Variants in PCDH15 observed in about 807,000 individuals in gnomAD.
The protein encoded by PCDH15 is protocadherin-15.
A neutral mutation model predicts 178.5 loss-of-function variants in PCDH15; 129 were observed. The observed-to-expected ratio is 0.72, with a 90% CI of 0.63 to 0.84. The LOEUF is 0.84. Among genes scored for constraint, PCDH15 ranks in the 40% least tolerant of loss-of-function variants. PCDH15 has a pLI of 0.00. For missense variants in PCDH15, 2,230 were observed against 2,099.9 expected (o/e 1.06, Z -1.21); for synonymous variants, 800 against 732.0 (o/e 1.09, Z -1.50).
intron 28 of PCDH15, among the ~76,000 whole-genome samples, chr10:53,855,405 AT>A (rs2078657510): frequency 6.6e-6 from 1 of 152,058 alleles, no homozygotes; most frequent in Admixed American, 6.6e-5. Context: ...GGCTCAGTGT[AT>A]ATAAACTACT....
intron 25 of PCDH15, among the ~76,000 whole-genome samples, chr10:53,933,323 C>G (rs183500864): frequency 1.3e-4 from 20 of 151,760 alleles, no homozygotes; most frequent in East Asian, 1.9e-4. Flanking sequence ...ATCCCTCCCC[C>G]CTTCCCCCAC....
intron 1 of PCDH15, among the ~76,000 whole-genome samples, chr10:54,691,909 A>G (rs1232024543): frequency 6.6e-6 from 1 of 152,170 alleles, no homozygotes; most frequent in African/African-American, 2.4e-5. Context: ...TAGAAAGTTT[A>G]TGTTCCGCCA....
intron 3 of PCDH15, among the ~76,000 whole-genome samples, chr10:54,890,962 T>C (rs1296383699): frequency 6.6e-6 from 1 of 151,988 alleles, no homozygotes; most frequent in African/African-American, 2.4e-5. Flanking sequence ...AGATATTGCA[T>C]CACACTCAAA....
intron 1 of PCDH15, among the ~76,000 whole-genome samples, chr10:55,303,456 T>A (rs1285129327): frequency 6.6e-6 from 1 of 152,166 alleles, no homozygotes; most frequent in African/African-American, 2.4e-5. Context: ...AACAGTCCAA[T>A]TTCCCCTTGG....
chr10:55,448,079 C>T (rs1839356150), intron 2 of PCDH15, among the ~76,000 whole-genome samples: 1 of 151,892 alleles, frequency 6.6e-6, no homozygotes, highest in Non-Finnish European at 1.5e-5. Context: ...ACATCTAAAT[C>T]TGGATACATA....
chr10:54,382,028 TATTTAGAATAATAAA>T (rs750722836), intron 3 of PCDH15, among the ~76,000 whole-genome samples: 2 of 152,178 alleles, frequency 1.3e-5, no homozygotes, highest in Non-Finnish European at 2.9e-5. Flanking sequence ...TGTTCTCTTG[TATTTAGAATAATAAA>T]AATCAAAACA....
In PCDH15 at chr10:53,823,693, T is replaced by A. The variant is rs41274626; in HGVS notation, c.4368-3463A>T. 1.0e-3 allele frequency: 488 copies of A among 466,516 alleles called. 3 individuals are homozygous for A. Among genetic ancestry groups the A allele is most frequent in the Non-Finnish European group, 1.4e-3 (344 of 237,720 alleles). The allele number at this position is 466,516 out of a possible 1,614,324, so 28.9% of individuals were successfully genotyped here. A position where few individuals can be genotyped will look rare whatever the true frequency, so the allele number is the denominator to read the frequency against. On this transcript the variant is annotated intron_variant, in intron 32 of 37. Transcript: ENST00000644397. ...ATGTCCACACGTAACAGTTCCCTTA[T>A]GCACAAATCACAGTTCTTCCCATTG... is the stretch of plus-strand genomic sequence containing the variant.
intron 7 of PCDH15, 72 bp downstream of exon 7, chr10:54,329,524 T>C (rs1472970635): frequency 1.8e-6 from 2 of 1,103,180 alleles, no homozygotes; most frequent in South Asian, 1.2e-5. Flanking sequence ...TCCAAGAGTA[T>C]CTGATACATT....
At chr10:54,190,025 T>G (rs1276767080) in intron 11 of PCDH15, among the ~76,000 whole-genome samples, 2 of 151,964 alleles carry the variant, frequency 1.3e-5, no homozygotes, top group African/African-American at 4.8e-5. Context: ...TTTCTTTTCC[T>G]TTCTTTTCAG....
At chr10:54,601,561 G>C (rs543660085) in intron 2 of PCDH15, among the ~76,000 whole-genome samples, 4 of 152,110 alleles carry the variant, frequency 2.6e-5, no homozygotes, top group South Asian at 2.1e-4. Context: ...CCTGGTTGTG[G>C]AGAAGAGGGC....
intron 2 of PCDH15, among the ~76,000 whole-genome samples, chr10:55,551,370 T>C (rs1367317960): frequency 6.6e-6 from 1 of 151,944 alleles, no homozygotes; most frequent in Non-Finnish European, 1.5e-5. Context: ...AGTTTACAAT[T>C]ACATGCATTC....
At chr10:54,370,393 G>A (rs907283271) in intron 4 of PCDH15, among the ~76,000 whole-genome samples, 13 of 151,596 alleles carry the variant, frequency 8.6e-5, no homozygotes, top group East Asian at 1.9e-4. Flanking sequence ...AATTTGGCTC[G>A]TTGTATATTT....
At chr10:55,175,141 A>G (rs1295612290) in intron 1 of PCDH15, among the ~76,000 whole-genome samples, 3 of 152,172 alleles carry the variant, frequency 2.0e-5, no homozygotes, top group Non-Finnish European at 4.4e-5. Flanking sequence ...CCCAAAGAAG[A>G]CACAGGAGAA....
chr10:54,748,161 A>G (rs1380194319), intron 1 of PCDH15, among the ~76,000 whole-genome samples: 1 of 152,186 alleles, frequency 6.6e-6, no homozygotes, highest in Non-Finnish European at 1.5e-5. Context: ...CCTTCACTCA[A>G]GACGATCTGC....
At chr10:55,072,411 G>C (rs1244091767) in intron 2 of PCDH15, among the ~76,000 whole-genome samples, 1 of 151,858 alleles carries the variant, frequency 6.6e-6, no homozygotes, top group Non-Finnish European at 1.5e-5. Flanking sequence ...AATGATAAAG[G>C]GGATATCACC....
At chr10:55,520,140 ATATATATATACACGCAATGTG>A (rs1841127983) in intron 2 of PCDH15, among the ~76,000 whole-genome samples, 1 of 118,238 alleles carries the variant, frequency 8.5e-6, no homozygotes, top group Non-Finnish European at 1.7e-5. Flanking sequence ...CGCAATGTGT[ATATATATATACACGCAATGTG>A]TATATATATA....
chr10:53,812,577 C>T (rs1211820407), intron 35 of PCDH15, among the ~76,000 whole-genome samples: 1 of 152,054 alleles, frequency 6.6e-6, no homozygotes, highest in Admixed American at 6.5e-5. Flanking sequence ...TTAATATTTC[C>T]AGTTCTAAAC....
At chr10:54,380,729 T>TATATATACAC (rs1554941858) in intron 3 of PCDH15, among the ~76,000 whole-genome samples, 21 of 115,058 alleles carry the variant, frequency 1.8e-4, no homozygotes, top group African/African-American at 7.4e-4. Flanking sequence ...TATATATATA[T>TATATATACAC]ATATATATAT....
chr10:55,251,563 G>C (rs1321002832), intron 1 of PCDH15, among the ~76,000 whole-genome samples: 2 of 151,936 alleles, frequency 1.3e-5, no homozygotes, highest in African/African-American at 4.8e-5. Context: ...ATGTACCATC[G>C]TGTGTTTATT....
Sources: allele counts gnomAD v4.1 joint callset (sites outside exome capture counted in the v4.1 genomes callset), GRCh38; gene constraint gnomAD v4.1.1; transcripts MANE v1.5; gene names NCBI Gene and HGNC (gene_info 2026-07-23, HGNC 2026-07-21).